Variants in ZSCAN5A observed in about 807,000 individuals in gnomAD.
ZSCAN5A encodes zinc finger and SCAN domain-containing protein 5A.
Under a neutral mutation model 23.7 loss-of-function variants are expected in ZSCAN5A, and 12 were observed. The observed-to-expected ratio is 0.51, with a 90% CI of 0.32 to 0.82. ZSCAN5A has a LOEUF of 0.82. Among genes scored for constraint, ZSCAN5A ranks in the 40% least tolerant of loss-of-function variants. ZSCAN5A has a pLI of 0.03. For synonymous variants in ZSCAN5A, 257 were observed against 239.9 expected (o/e 1.07, Z -0.66); for missense variants, 597 against 617.9 (o/e 0.97, Z 0.36).
intron 2 of ZSCAN5A, chr19:56,245,482 CTGA>C: frequency 1.8e-6 from 1 of 546,690 alleles, no homozygotes; most frequent in Non-Finnish European, 3.4e-6. Flanking sequence ...CAGGAGAAAA[CTGA>C]GTGTGCCTCT....
intron 2 of ZSCAN5A, among the ~76,000 whole-genome samples, chr19:56,287,291 C>T (rs1185635852): frequency 1.3e-5 from 2 of 152,244 alleles, no homozygotes; most frequent in South Asian, 2.1e-4. Context: ...AAACATTTTA[C>T]GGAAACCTAT....
In ZSCAN5A at chr19:56,331,699, C is replaced by T. The variant is rs533785283; in HGVS notation, c.-357-15431G>A. ...GCCTCCTGGGTTCAAGCAATTCTCC[C>T]GCTTCAGCTTCCTGAGTAGCTGACA... On this transcript the variant is annotated intron_variant, in intron 2 of 6. Transcript: ENST00000587340. Among the ~76,000 whole-genome samples the T allele has an allele frequency of 1.3e-4, 20 of 149,534 alleles. No homozygotes were observed. In the South Asian group the frequency reaches 2.4e-3, roughly 18 times the overall value.
Position 56,341,715 on chromosome 19 carries a change from A to C in ZSCAN5A, c.-358+21520T>G, listed in dbSNP as rs946065356. Among the ~76,000 whole-genome samples the C allele has an allele frequency of 3.0e-4, 46 of 150,852 alleles. 1 individual carries two copies. Among genetic ancestry groups the C allele is most frequent in the Non-Finnish European group, 5.0e-4 (34 of 67,628 alleles). On this transcript the variant is annotated intron_variant, in intron 2 of 6. Coordinates refer to the ZSCAN5A transcript ENST00000587340. ...GTTACCAAAAGGCAAAAAAAAAAAAAAAAAAAAAAAAACCCTTCTGCAGTG... is the reference window on the plus strand; with the variant it reads ...GTTACCAAAAGGCAAAAAAAAAAAACAAAAAAAAAAAACCCTTCTGCAGTG...
At chr19:56,331,558 A>T (rs1454819513) in intron 2 of ZSCAN5A, among the ~76,000 whole-genome samples, 92 of 39,016 alleles carry the variant, frequency 2.4e-3, no homozygotes, top group African/African-American at 3.4e-3. Context: ...TCTTTCAGCT[A>T]TTGTAAATGG....
At chr19:56,340,097 T>A (rs1600293265) in intron 2 of ZSCAN5A, among the ~76,000 whole-genome samples, 1 of 151,886 alleles carries the variant, frequency 6.6e-6, no homozygotes, top group African/African-American at 2.4e-5. Flanking sequence ...CAAATGGAAA[T>A]TGGATTCCAT....
intron 2 of ZSCAN5A, chr19:56,299,754 TG>T (rs1323013073): frequency 3.3e-5 from 5 of 152,256 alleles, no homozygotes; most frequent in African/African-American, 1.2e-4. Context: ...ATTTTTGTAT[TG>T]TTTTTATTGT....
At chr19:56,305,577 G>A (rs1413873407) in intron 2 of ZSCAN5A, among the ~76,000 whole-genome samples, 2 of 152,040 alleles carry the variant, frequency 1.3e-5, no homozygotes, top group Non-Finnish European at 2.9e-5. Flanking sequence ...AAATCTTTTG[G>A]GGTACAAACT....
Position 56,321,333 on chromosome 19 carries a change from T to G in ZSCAN5A, c.-357-5065A>C, listed in dbSNP as rs561056935. 1,017 of 648,704 alleles carry G rather than the reference T, an allele frequency of 1.6e-3. 2 individuals carry two copies. Among genetic ancestry groups the G allele is most frequent in the Non-Finnish European group, 2.4e-3 (856 of 349,936 alleles). The allele number at this position is 648,704 out of a possible 1,614,324, so 40.2% of individuals were successfully genotyped here. A position where few individuals can be genotyped will look rare whatever the true frequency, so the allele number is the denominator to read the frequency against. ...ACTGGTCAAGAAGTCCCATGCCCTC[T>G]GGGCTGTAATAACCAGGCATCACAA... On this transcript the variant is annotated intron_variant, in intron 2 of 6. Coordinates refer to the ZSCAN5A transcript ENST00000587340.
chr19:56,306,232 G>GA (rs1293158045), intron 2 of ZSCAN5A, among the ~76,000 whole-genome samples: 25 of 152,176 alleles, frequency 1.6e-4, no homozygotes, highest in Admixed American at 1.6e-3. Context: ...GAGAAAGTAC[G>GA]AAAGACAGAT....
chr19:56,321,733 A>G, intron 2 of ZSCAN5A: 1 of 1,367,708 alleles, frequency 7.3e-7, no homozygotes, highest in Non-Finnish European at 1.0e-6. Context: ...TGCTGAGGAC[A>G]TAACTGCTTT....
intron 2 of ZSCAN5A, among the ~76,000 whole-genome samples, chr19:56,230,601 CTTT>C (rs1293934124): frequency 6.9e-6 from 1 of 144,824 alleles, no homozygotes; most frequent in Admixed American, 7.0e-5. Flanking sequence ...ATCTGGCTTT[CTTT>C]TTATTTCTTG....
intron 2 of ZSCAN5A, among the ~76,000 whole-genome samples, chr19:56,308,835 C>T (rs911970170): frequency 4.6e-5 from 7 of 152,142 alleles, no homozygotes; most frequent in Admixed American, 1.3e-4. Context: ...TGGTGTTGAA[C>T]GGTTTCTCAG....
intron 2 of ZSCAN5A, among the ~76,000 whole-genome samples, chr19:56,326,024 C>T (rs565944320): frequency 5.3e-5 from 8 of 152,026 alleles, no homozygotes; most frequent in African/African-American, 1.9e-4. Flanking sequence ...GCTCCACCTC[C>T]CGGGTTCACG....
chr19:56,342,080 CACT>C (rs775934294), intron 2 of ZSCAN5A, among the ~76,000 whole-genome samples: 4 of 152,104 alleles, frequency 2.6e-5, no homozygotes, highest in Non-Finnish European at 5.9e-5. Context: ...TCTACAGAAA[CACT>C]ACTATCATTT....
At chr19:56,223,296 G>A (rs906279503) in intron 4 of ZSCAN5A, among the ~76,000 whole-genome samples, 1 of 152,198 alleles carries the variant, frequency 6.6e-6, no homozygotes, top group African/African-American at 2.4e-5. Flanking sequence ...GTAGAAAATG[G>A]TTTCCTTGCT....
intron 2 of ZSCAN5A, among the ~76,000 whole-genome samples, chr19:56,275,560 T>C (rs2146998985): frequency 6.6e-6 from 1 of 152,314 alleles, no homozygotes; most frequent in African/African-American, 2.4e-5. Context: ...GTGAGACTCA[T>C]CTCTACAAAA....
chr19:56,336,202 C>A, intron 2 of ZSCAN5A, among the ~76,000 whole-genome samples: 1 of 152,220 alleles, frequency 6.6e-6, no homozygotes, highest in Non-Finnish European at 1.5e-5. Context: ...TCCATTCTCC[C>A]CGTCACTTTC....
chr19:56,355,565 C>A lies in ZSCAN5A; in HGVS notation c.-358+7670G>T, dbSNP rs1329102551. 2.7e-5 allele frequency among the ~76,000 whole-genome samples: 4 copies of A among 148,604 alleles called. No homozygotes were observed. The East Asian group carries it at 7.7e-4, about 29-fold the overall frequency. ...ACTAAATTAAAAAATAAAGTAACAACAATAGCCCAAGACCAAGCTCTGTAA... is the reference window on the plus strand; with the variant it reads ...ACTAAATTAAAAAATAAAGTAACAAAAATAGCCCAAGACCAAGCTCTGTAA... On this transcript the variant is annotated intron_variant, in intron 2 of 6. Coordinates refer to the ZSCAN5A transcript ENST00000587340.
chr19:56,307,553 C>A (rs1271588008), intron 2 of ZSCAN5A, among the ~76,000 whole-genome samples: 1 of 152,142 alleles, frequency 6.6e-6, no homozygotes, highest in African/African-American at 2.4e-5. Flanking sequence ...TACAGAAGGC[C>A]TCTGCTGTCT....
Sources: gnomAD v4.1 joint callset for allele counts (sites outside exome capture counted in the v4.1 genomes callset) on GRCh38, gnomAD v4.1.1 for gene constraint, MANE v1.5 for transcripts, NCBI Gene and HGNC (gene_info 2026-07-23, HGNC 2026-07-21) for gene names.